HACD3: variants seen among roughly 807,000 people sequenced by gnomAD.
HACD3 encodes 3-hydroxyacyl-CoA dehydratase 3.
Under a neutral mutation model 55.2 loss-of-function variants are expected in HACD3, and 30 were observed. The ratio of observed to expected loss-of-function variants is 0.54; its 90% CI spans 0.41 to 0.74. HACD3 has a LOEUF of 0.74. Among genes scored for constraint, HACD3 ranks in the 30% least tolerant of loss-of-function variants. HACD3 has a pLI of 0.00. For missense variants in HACD3, 363 were observed against 440.1 expected, an observed-to-expected ratio of 0.82 and a Z score of 1.57; for synonymous variants, 141 against 151.7, an observed-to-expected ratio of 0.93 and a Z score of 0.52.
At chr15:65,536,515 C>T (rs541658352) in intron 1 of HACD3, among the ~76,000 whole-genome samples, 2 of 152,114 alleles carry the variant, frequency 1.3e-5, no homozygotes, top group Non-Finnish European at 2.9e-5. Context: ...AATCCCAGCA[C>T]TTTGGGAGGC....
In HACD3 at chr15:65,552,521, A is replaced by G. The variant is rs557721221; in HGVS notation, c.130+803A>G. 1.7e-4 allele frequency among the ~76,000 whole-genome samples: 26 copies of G among 152,124 alleles called. No individual in the cohort carries two copies. The East Asian group carries it at 3.7e-3, about 21-fold the overall frequency. On this transcript the variant is annotated intron_variant, in intron 2 of 10. Transcript: ENST00000261875. Reference sequence around the variant, plus strand: ...CAGCTAATTTTTGTATTTTTAGTAGAGACAGGGTTTCACTATGTTGTCCAG... The same window carrying G: ...CAGCTAATTTTTGTATTTTTAGTAGGGACAGGGTTTCACTATGTTGTCCAG...
intron 1 of HACD3, among the ~76,000 whole-genome samples, chr15:65,544,711 G>A (rs1409693890): frequency 2.6e-5 from 4 of 152,070 alleles, no homozygotes; most frequent in Non-Finnish European, 5.9e-5. Flanking sequence ...AAATGAAAAA[G>A]GAATGATTGA....
At chr15:65,560,992 C>T (rs879541210) in intron 5 of HACD3, among the ~76,000 whole-genome samples, 7 of 152,092 alleles carry the variant, frequency 4.6e-5, no homozygotes, top group African/African-American at 9.7e-5. Flanking sequence ...ACCTTTGTAT[C>T]CCAGTAGTTC....
chr15:65,546,581 A>G (rs1173471645), intron 1 of HACD3, among the ~76,000 whole-genome samples: 1 of 152,126 alleles, frequency 6.6e-6, no homozygotes, highest in East Asian at 1.9e-4. Context: ...ATGAGTTTTC[A>G]TTATATTATA....
chr15:65,554,916 G>T lies in HACD3; in HGVS notation c.160G>T (p.Val54Phe). 1 of 1,612,664 alleles carries T rather than the reference G, an allele frequency of 6.2e-7. No homozygotes were observed. The highest frequency in any genetic ancestry group is 8.5e-7 in the Non-Finnish European group (1 of 1,178,714). Residue 54 changes from valine to phenylalanine, a missense_variant, in exon 3 of 11, where the codon GTC becomes TTC. By Grantham distance (50) the Val-to-Phe change is conservative. Transcript: ENST00000261875. ...AQGHGAKGDN[V>F]YEFHLEFLDL... ...AGGACATGGTGCCAAAGGAGACAATGTCTATGAATTTCACCTGGAGTTCTT... is the reference window on the plus strand; with the variant it reads ...AGGACATGGTGCCAAAGGAGACAATTTCTATGAATTTCACCTGGAGTTCTT...
chr15:65,571,779 T>C, intron 9 of HACD3, 125 bp downstream of exon 9: 1 of 740,446 alleles, frequency 1.4e-6, no homozygotes. Context: ...CAGGGATTTC[T>C]TTCCATGGGC....
intron 10 of HACD3, among the ~76,000 whole-genome samples, chr15:65,572,930 A>T (rs145770604): frequency 1.3e-4 from 18 of 143,694 alleles, no homozygotes; most frequent in African/African-American, 3.9e-4. Context: ...AAAAAAAAAA[A>T]TAAATAAATA....
In HACD3 at chr15:65,562,904, A is replaced by G; in HGVS notation, c.532+20A>G. 1 of 1,612,550 alleles carries G rather than the reference A, an allele frequency of 6.2e-7. No individual in the cohort carries two copies. Among genetic ancestry groups the G allele is most frequent in the Non-Finnish European group, 8.5e-7 (1 of 1,179,222 alleles). The stretch of plus-strand genomic sequence containing the variant: ...GAAAAGGCAAGTAAGACATTTTTGG[A>G]TTAATTTTCCCTTTCTCAGTAGTTT... On this transcript the variant is annotated intron_variant, in intron 6 of 10. Transcript: ENST00000261875.
At position 65,530,491 on chromosome 15, in the gene HACD3, T is replaced by TG. The variant is rs2071884257; in HGVS notation, c.-137dup. 13 of 655,004 alleles carry TG rather than the reference T, an allele frequency of 2.0e-5. No individual in the cohort carries two copies. In the South Asian group the frequency reaches 3.5e-4, roughly 18 times the overall value. 40.6% of individuals were successfully genotyped at this position (655,004 alleles called of 1,614,324 possible). ...ACTGCGCAGGCGCGGCCCGCGAGCG[T>TG]GGGGTATCTCGAGGTGCCGGGTTGC... On this transcript the variant is annotated 5_prime_UTR_variant, in exon 1 of 11. Coordinates refer to ENST00000261875, the MANE Select transcript of HACD3 (RefSeq NM_016395.4).
chr15:65,559,411 C>CTG (rs1440186339), intron 5 of HACD3, among the ~76,000 whole-genome samples: 7 of 151,726 alleles, frequency 4.6e-5, no homozygotes, highest in Non-Finnish European at 7.4e-5. Context: ...GTATGTAAAA[C>CTG]TACCTCTGAA....
At chr15:65,531,436 C>CACGTAGTAG in intron 1 of HACD3, 1 of 152,318 alleles carries the variant, frequency 6.6e-6, no homozygotes, top group South Asian at 2.1e-4. Context: ...TGTAAGCAAG[C>CACGTAGTAG]TGAAGGCACG....
intron 2 of HACD3, among the ~76,000 whole-genome samples, chr15:65,552,646 GTTTT>G (rs747347482): frequency 6.7e-6 from 1 of 148,370 alleles, no homozygotes; most frequent in Non-Finnish European, 1.5e-5. Flanking sequence ...TTTGTTTTTT[GTTTT>G]TGTTTTTGTT....
rs2072355601 is a variant in HACD3 at position 65,572,261 on chromosome 15, A to G, written c.907A>G (p.Ile303Val). The change falls in exon 10 of 11, where the codon ATA becomes GTA. Residue 303 changes from isoleucine to valine, a missense_variant. Transcript: ENST00000261875. ...TGTCTCAGTGATTCAGTCCATTCCA[A>G]TATTCAATGAGACCGGACGATTCAG... ...EAVSVIQSIPIFNETGRFSFT... is the reference protein window; with the variant it reads ...EAVSVIQSIPVFNETGRFSFT... The G allele has an allele frequency of 1.2e-6, 2 of 1,612,898 alleles. No homozygotes were observed. Among genetic ancestry groups the G allele is most frequent in the Middle Eastern group, 1.7e-4 (1 of 5,998 alleles).
At chr15:65,551,765 G>T in intron 2 of HACD3, 47 bp downstream of exon 2, 1 of 1,598,512 alleles carries the variant, frequency 6.3e-7, no homozygotes, top group Non-Finnish European at 8.6e-7. Context: ...AGTTAAGGAG[G>T]TGTGGTGGTG....
At chr15:65,561,527 T>C (rs939773496) in intron 5 of HACD3, among the ~76,000 whole-genome samples, 1 of 152,130 alleles carries the variant, frequency 6.6e-6, no homozygotes, top group African/African-American at 2.4e-5. Flanking sequence ...CTTTTTGTAA[T>C]GCCTCTTCAG....
chr15:65,575,345 GC>G (rs990632125), intron 10 of HACD3, among the ~76,000 whole-genome samples: 2 of 151,978 alleles, frequency 1.3e-5, no homozygotes, highest in Admixed American at 1.3e-4. Context: ...CTGCCACCAT[GC>G]CTGGCTGATT....
intron 1 of HACD3, 24 bp downstream of exon 1, chr15:65,530,742 G>C: frequency 6.5e-7 from 1 of 1,530,682 alleles, no homozygotes; most frequent in Non-Finnish European, 8.8e-7. Flanking sequence ...CGGGCGGCGG[G>C]AAGCGCGCGG....
At position 65,530,597 on chromosome 15, in the gene HACD3, G is replaced by C; in HGVS notation, c.-35G>C. 2.6e-6 allele frequency: 4 copies of C among 1,536,846 alleles called. No homozygotes were observed. Among genetic ancestry groups the C allele is most frequent in the Non-Finnish European group, 3.5e-6 (4 of 1,136,042 alleles). The stretch of plus-strand genomic sequence containing the variant: ...ACTACCTGAGGCAGCGAGGCGCAGC[G>C]AGCCTAGCCTCCCCGCGCCCTGGGC... On this transcript the variant is annotated 5_prime_UTR_variant, in exon 1 of 11. Transcript: ENST00000261875.
chr15:65,534,859 G>C (rs1187992782), intron 1 of HACD3, among the ~76,000 whole-genome samples: 1 of 152,244 alleles, frequency 6.6e-6, no homozygotes. Flanking sequence ...GCAAATTCTA[G>C]TGTGCAGTTC....
Sources: allele counts gnomAD v4.1 joint callset (sites outside exome capture counted in the v4.1 genomes callset), GRCh38; gene constraint gnomAD v4.1.1; transcripts MANE v1.5; gene names NCBI Gene and HGNC (gene_info 2026-07-23, HGNC 2026-07-21).